Variants in ZNF789 observed in about 807,000 individuals in gnomAD.
The protein encoded by ZNF789 is zinc finger protein 789.
In ZNF789, 11 loss-of-function variants were observed where a neutral mutation model predicts 15.6. The observed-to-expected ratio is 0.70, with a 90% confidence interval of 0.44 to 1.16. ZNF789 has a LOEUF of 1.16. Among genes scored for constraint, ZNF789 ranks in the 50% most tolerant of loss-of-function variants. The pLI, the probability that ZNF789 is intolerant of heterozygous loss-of-function variation, is 0.00. For missense variants in ZNF789, 461 were observed against 512.6 expected (o/e 0.90, Z 0.97); for synonymous variants, 159 against 176.0 (o/e 0.90, Z 0.76).
intron 1 of ZNF789, among the ~76,000 whole-genome samples, chr7:99,474,604 AAAAG>A (rs1004794803): frequency 7.2e-5 from 11 of 152,106 alleles, no homozygotes; most frequent in South Asian, 2.1e-4. Context: ...AAAAAAAAAA[AAAAG>A]AAAGTTTACG....
At chr7:99,474,568 T>C (rs1799210157) in intron 1 of ZNF789, among the ~76,000 whole-genome samples, 1 of 149,784 alleles carries the variant, frequency 6.7e-6, no homozygotes, top group Admixed American at 6.7e-5. Context: ...CACTCCAGCC[T>C]GGGCGACAGA....
intron 3 of ZNF789, chr7:99,482,420 G>C (rs1799688811): frequency 1.7e-6 from 1 of 590,238 alleles, no homozygotes; most frequent in Non-Finnish European, 3.0e-6. Flanking sequence ...GTGAGGTCAG[G>C]TGTGGAACTC....
chr7:99,483,314 A>G, intron 3 of ZNF789, among the ~76,000 whole-genome samples: 1 of 152,002 alleles, frequency 6.6e-6, no homozygotes, highest in Non-Finnish European at 1.5e-5. Flanking sequence ...CTCAAAATAA[A>G]TAAATAAATA....
chr7:99,483,854 G>A, intron 3 of ZNF789, 176 bp from the exon 4 acceptor site: 1 of 784,770 alleles, frequency 1.3e-6, no homozygotes, highest in Non-Finnish European at 2.4e-6. Context: ...ACAGCCAAAG[G>A]TATGAACATT....
chr7:99,475,348 T>TCA (rs1207973948), intron 1 of ZNF789, among the ~76,000 whole-genome samples: 1 of 151,214 alleles, frequency 6.6e-6, no homozygotes, highest in Non-Finnish European at 1.5e-5. Flanking sequence ...TGAGCAGAGA[T>TCA]CACACCATTG....
chr7:99,480,992 AAGG>A (rs1328918096), intron 3 of ZNF789: 2 of 152,254 alleles, frequency 1.3e-5, no homozygotes, highest in African/African-American at 2.4e-5. Context: ...AGGCATAGAA[AAGG>A]AGGAGAAGAG....
At chr7:99,477,827 A>C (rs1245855720) in intron 2 of ZNF789, among the ~76,000 whole-genome samples, 1 of 152,218 alleles carries the variant, frequency 6.6e-6, no homozygotes, top group Non-Finnish European at 1.5e-5. Flanking sequence ...GCATGCCTAT[A>C]ATCCCATCTA....
chr7:99,487,374 G>A lies in ZNF789; in HGVS notation c.1164G>A (p.Gln388=), dbSNP rs1365980540. ...FSFKRNLFRH[Q]VIHTGSQPYQ... The stretch of plus-strand genomic sequence containing the variant: ...TTAAGAGGAATCTTTTTCGACATCA[G>A]GTCATTCACACTGGAAGCCAACCCT... Residue 388 remains glutamine, a synonymous_variant, in exon 5 of 5, where the codon CAG becomes CAA. Coordinates refer to ENST00000331410, the MANE Select transcript of ZNF789 (RefSeq NM_213603.3). 3 of 1,614,198 alleles carry A rather than the reference G, an allele frequency of 1.9e-6. No individual in the cohort carries two copies. In the Admixed American group the frequency reaches 5.0e-5, roughly 27 times the overall value.
chr7:99,481,999 G>C (rs927006842), intron 3 of ZNF789: 1 of 618,784 alleles, frequency 1.6e-6, no homozygotes, highest in African/African-American at 1.8e-5. Context: ...GACCAAAAGT[G>C]TTTTGGATTT....
chr7:99,476,382 C>A (rs1157159677), intron 1 of ZNF789, 21 bp from the exon 2 acceptor site: 1 of 1,573,554 alleles, frequency 6.4e-7, no homozygotes, highest in Non-Finnish European at 8.6e-7. Context: ...GCTGGCCTTA[C>A]TGACTTTTTT....
rs1470059587 is a variant in ZNF789, at chr7:99,484,048, C to G, written c.170C>G (p.Pro57Arg). 6.2e-7 allele frequency: 1 copy of G among 1,613,970 alleles called. No individual in the cohort carries two copies. The highest frequency in any genetic ancestry group is 2.2e-5 in the East Asian group (1 of 44,896). ...TGAGTAGGATTTCAGTTTCCCAAACCTGAGATGATCTGTCAGCTGGAGAAC... is the reference window on the plus strand; with the variant it reads ...TGAGTAGGATTTCAGTTTCCCAAACGTGAGATGATCTGTCAGCTGGAGAAC... The part of the protein sequence containing the change: ...MVLLGFQFPK[P>R]EMICQLENWD... Residue 57 changes from proline to arginine, a missense_variant, in exon 4 of 5, where the codon CCT becomes CGT. Pro to Arg is a moderately radical substitution (Grantham distance 103). Transcript: ENST00000331410.
At chr7:99,483,646 T>A in intron 3 of ZNF789, 1 of 769,934 alleles carries the variant, frequency 1.3e-6, no homozygotes. Context: ...AATAAACAAT[T>A]GAATACAAGG....
chr7:99,476,281 C>G (rs143506402), intron 1 of ZNF789, 122 bp from the exon 2 acceptor site: 3 of 598,586 alleles, frequency 5.0e-6, no homozygotes, highest in African/African-American at 3.8e-5. Flanking sequence ...GTTCCAACAC[C>G]AAACACAGGG....
rs1005564356 is a variant in ZNF789, at chr7:99,487,084, A to G, written c.874A>G (p.Lys292Glu). The G allele has an allele frequency of 6.2e-7, 1 of 1,613,972 alleles. No homozygotes were observed. The highest frequency in any genetic ancestry group is 8.5e-7 in the Non-Finnish European group (1 of 1,179,982). ...ACCTTATAAATGTAGCAAATGTGAA[A>G]AAACGTTTAGTCAGAATTCAACCCT... is the stretch of plus-strand genomic sequence containing the variant. Reference protein sequence around the residue: ...EKPYKCSKCEKTFSQNSTLIR... With the variant: ...EKPYKCSKCEETFSQNSTLIR... The change falls in exon 5 of 5, where the codon AAA becomes GAA. Residue 292 changes from lysine (K) to glutamate (E), a missense_variant. Transcript: ENST00000331410.
Position 99,477,349 on chromosome 7 carries a change from G to C in ZNF789, c.24+869G>C, listed in dbSNP as rs543986762. 4.0e-5 allele frequency among the ~76,000 whole-genome samples: 6 copies of C among 149,828 alleles called. No homozygotes were observed. In the South Asian group the frequency reaches 1.1e-3, roughly 26 times the overall value. On this transcript the variant is annotated intron_variant, in intron 2 of 4. Coordinates refer to ENST00000331410, the MANE Select transcript of ZNF789 (RefSeq NM_213603.3). ...AGCCACTGTGCCCAGCCTGTGTTTT[G>C]TCTTTTTTTAGACGGAGTCTCACAC...
chr7:99,482,230 A>G lies in ZNF789; in HGVS notation c.152-1800A>G, dbSNP rs754540953. 1.7e-5 allele frequency: 13 copies of G among 779,006 alleles called. No homozygotes were observed. In the African/African-American group the frequency reaches 1.7e-4, roughly 10 times the overall value. The allele number at this position is 779,006 out of a possible 1,614,324, so 48.3% of individuals were successfully genotyped here. A position where few individuals can be genotyped will look rare whatever the true frequency, so the allele number is the denominator to read the frequency against. On this transcript the variant is annotated intron_variant, in intron 3 of 4. Coordinates refer to ENST00000331410, the MANE Select transcript of ZNF789 (RefSeq NM_213603.3). ...CTCTGGCACATTCATCTTGGTTGCA[A>G]TTGTACTTTAGGCTATATTTCTAAG...
intron 1 of ZNF789, among the ~76,000 whole-genome samples, chr7:99,474,326 G>A (rs1052449613): frequency 3.9e-5 from 6 of 152,202 alleles, no homozygotes; most frequent in Admixed American, 3.9e-4. Context: ...CGGGCGCGGT[G>A]GCTCACGCCT....
chr7:99,487,228 AC>A lies in ZNF789; in HGVS notation c.1021del (p.His341IlefsTer116). The A allele has an allele frequency of 6.2e-7, 1 of 1,614,130 alleles. No homozygotes were observed. The highest frequency in any genetic ancestry group is 8.5e-7 in the Non-Finnish European group (1 of 1,180,026). On this transcript the variant is annotated frameshift_variant, in exon 5 of 5. Coordinates refer to ENST00000331410, the MANE Select transcript of ZNF789 (RefSeq NM_213603.3). LOFTEE classifies it low-confidence loss of function (END_TRUNC). ...TCAACAGATTCACAGTAAACCGAAC[AC>A]CCATAAATGCAGTGAATGTGGACAG... is the stretch of plus-strand genomic sequence containing the variant. ...CHQQIHSKPN[T>X]HKCSECGQSF...
chr7:99,484,632 T>C (rs1584569290), intron 4 of ZNF789, among the ~76,000 whole-genome samples: 1 of 144,180 alleles, frequency 6.9e-6, no homozygotes, highest in Admixed American at 7.0e-5. Context: ...AAAAAATATA[T>C]ATATATATCA....
Sources: allele counts gnomAD v4.1 joint callset (sites outside exome capture counted in the v4.1 genomes callset), GRCh38; gene constraint gnomAD v4.1.1; transcripts MANE v1.5; gene names NCBI Gene and HGNC (gene_info 2026-07-23, HGNC 2026-07-21).